The following RGS6 variants were observed in gnomAD, a reference collection of about 807,000 sequenced individuals.
The protein encoded by RGS6 is regulator of G-protein signaling 6.
A neutral mutation model predicts 78.5 loss-of-function variants in RGS6; 30 were observed. The observed-to-expected ratio is 0.38, with a 90% confidence interval of 0.29 to 0.52. The LOEUF (loss-of-function observed/expected upper bound fraction) is 0.52, where lower values mean the gene tolerates loss of function less well. Among genes scored for constraint, RGS6 ranks in the 20% least tolerant of loss-of-function variants. RGS6 has a pLI of 0.85. For missense variants in RGS6, 495 were observed against 609.7 expected (o/e 0.81, Z 1.98); for synonymous variants, 206 against 206.0 (o/e 1.00, Z 0.00).
At chr14:72,138,474 T>TTA (rs398043828) in intron 2 of RGS6, among the ~76,000 whole-genome samples, 1 of 144,152 alleles carries the variant, frequency 6.9e-6, no homozygotes, top group Non-Finnish European at 1.5e-5. Context: ...TTTTTTTTTT[T>TTA]ACTTTCTTGG....
At chr14:72,260,335 G>A (rs2057916335) in intron 2 of RGS6, among the ~76,000 whole-genome samples, 1 of 152,212 alleles carries the variant, frequency 6.6e-6, no homozygotes, top group African/African-American at 2.4e-5. Flanking sequence ...GTTGGATGGG[G>A]CTTTCCCAAT....
rs368585420 is a variant in RGS6, at chr14:72,107,253, A to AC, written c.84+142379dup. On this transcript the variant is annotated intron_variant, in intron 2 of 17. Coordinates refer to ENST00000553525, the MANE Select transcript of RGS6 (RefSeq NM_001204424.2). ...AATTAAAGAAAAAAACAAAAAAAAAACATGAACTACTAGGTTTAAACGTAG... is the reference window on the plus strand; with the variant it reads ...AATTAAAGAAAAAAACAAAAAAAAAACCATGAACTACTAGGTTTAAACGTAG... 5.5e-3 allele frequency among the ~76,000 whole-genome samples: 842 copies of AC among 152,282 alleles called. 3 individuals carry two copies. Among genetic ancestry groups the AC allele is most frequent in the African/African-American group, 0.018 (753 of 41,572 alleles).
intron 1 of RGS6, among the ~76,000 whole-genome samples, chr14:71,949,209 G>A (rs1459924666): frequency 1.3e-5 from 2 of 152,300 alleles, no homozygotes; most frequent in African/African-American, 4.8e-5. Flanking sequence ...GGGCCATGGG[G>A]TGTGCATATG....
chr14:71,934,846 A>G (rs747472738), intron 1 of RGS6, among the ~76,000 whole-genome samples: 28 of 152,172 alleles, frequency 1.8e-4, no homozygotes, highest in Non-Finnish European at 3.1e-4. Flanking sequence ...CTGAACTCCT[A>G]AGACTTTGCC....
intron 2 of RGS6, among the ~76,000 whole-genome samples, chr14:71,971,273 G>A (rs150481014): frequency 1.7e-4 from 26 of 152,282 alleles, no homozygotes; most frequent in African/African-American, 6.3e-4. Context: ...GTTTCAGTTG[G>A]GTTTGGTTAG....
intron 2 of RGS6, among the ~76,000 whole-genome samples, chr14:72,091,136 G>GTC (rs34340488): frequency 0.91 from 138,169 of 152,038 alleles, 63,204 homozygotes; most frequent in Admixed American, 0.96. Context: ...CACACTGGCT[G>GTC]TCTCCACAGA....
At chr14:72,299,703 C>G (rs1031481849) in intron 2 of RGS6, among the ~76,000 whole-genome samples, 11 of 152,166 alleles carry the variant, frequency 7.2e-5, no homozygotes, top group Non-Finnish European at 1.5e-4. Flanking sequence ...ACTCATTTTG[C>G]TTTGGATTTG....
chr14:72,241,282 G>C (rs780565450), intron 2 of RGS6, among the ~76,000 whole-genome samples: 4 of 152,024 alleles, frequency 2.6e-5, no homozygotes, highest in African/African-American at 9.7e-5. Flanking sequence ...AAATATAGAT[G>C]CAAACAAGTC....
the RGS6 span, among the ~76,000 whole-genome samples, chr14:71,913,470 A>G: frequency 1.1e-4 from 17 of 152,180 alleles, no homozygotes; most frequent in African/African-American, 4.1e-4. Context: ...TTAACAGAGG[A>G]AAGTGGGCTG....
At chr14:72,264,629 T>G (rs1162740709) in intron 2 of RGS6, among the ~76,000 whole-genome samples, 2 of 152,206 alleles carry the variant, frequency 1.3e-5, no homozygotes, top group African/African-American at 2.4e-5. Flanking sequence ...TCTTTTGTCT[T>G]CAAGAACATA....
At position 72,070,093 on chromosome 14, in the gene RGS6, G is replaced by T. The variant is rs566567770; in HGVS notation, c.84+105218G>T. Among the ~76,000 whole-genome samples the T allele has an allele frequency of 3.4e-4, 52 of 151,998 alleles. 1 individual carries two copies. Among genetic ancestry groups the T allele is most frequent in the Non-Finnish European group, 5.9e-4 (40 of 67,972 alleles). ...AAACTATACATTTTGTTTTTTGTTA[G>T]TGTATCTGATTTGCTGGCTGTCATT... On this transcript the variant is annotated intron_variant, in intron 2 of 17. Coordinates refer to ENST00000553525, the MANE Select transcript of RGS6 (RefSeq NM_001204424.2).
chr14:72,216,654 A>G (rs1181162502), intron 2 of RGS6, among the ~76,000 whole-genome samples: 1 of 152,218 alleles, frequency 6.6e-6, no homozygotes, highest in East Asian at 1.9e-4. Context: ...TAAGCTCAAA[A>G]TGACACTTCC....
intron 1 of RGS6, among the ~76,000 whole-genome samples, chr14:71,955,176 A>C (rs56067914): frequency 0.28 from 42,815 of 152,042 alleles, 6,655 homozygotes; most frequent in Admixed American, 0.35. Flanking sequence ...CCTAACTACT[A>C]TTCCTCAGGG....
intron 14 of RGS6, among the ~76,000 whole-genome samples, chr14:72,512,247 A>T (rs909228254): frequency 1.3e-5 from 2 of 152,186 alleles, no homozygotes; most frequent in African/African-American, 4.8e-5. Context: ...AGAATGACCC[A>T]GAGTTTGGTC....
rs202112888 is a variant in RGS6, at chr14:72,156,418, C to T, written c.84+191543C>T. ...CCAAGATCCCACTTGGCTGCCACTG[C>T]ACTCCAGCCTGGGTGACAGGGTGAG... is the stretch of plus-strand genomic sequence containing the variant. On this transcript the variant is annotated intron_variant, in intron 2 of 17. Coordinates refer to ENST00000553525, the MANE Select transcript of RGS6 (RefSeq NM_001204424.2). Among the ~76,000 whole-genome samples, 23 of 141,224 alleles carry T rather than the reference C, an allele frequency of 1.6e-4. No individual in the cohort carries two copies. The East Asian group carries it at 3.7e-3, about 23-fold the overall frequency. The allele number at this position is 141,224 out of a possible 152,430, so 92.6% of individuals were successfully genotyped here.
At chr14:72,463,056 C>T (rs2095821208) in intron 6 of RGS6, among the ~76,000 whole-genome samples, 2 of 152,162 alleles carry the variant, frequency 1.3e-5, no homozygotes, top group Admixed American at 6.5e-5. Flanking sequence ...ACATATAATA[C>T]ATGAATGTGT....
intron 2 of RGS6, among the ~76,000 whole-genome samples, chr14:72,306,180 CTGTTTACAGAAGGATTTATTGAATA>C (rs2067198340): frequency 6.6e-6 from 1 of 152,174 alleles, no homozygotes; most frequent in African/African-American, 2.4e-5. Flanking sequence ...AAGCCCAGAT[CTGTTTACAGAAGGATTTATTGAATA>C]TTTTAAGACC....
the RGS6 span, among the ~76,000 whole-genome samples, chr14:71,917,823 A>G: frequency 2.0e-5 from 3 of 152,198 alleles, no homozygotes; most frequent in African/African-American, 7.2e-5. Context: ...TAAGTAGCAG[A>G]GACTAACTGC....
At chr14:72,356,066 T>A (rs917351599) in intron 3 of RGS6, among the ~76,000 whole-genome samples, 1 of 152,164 alleles carries the variant, frequency 6.6e-6, no homozygotes, top group Non-Finnish European at 1.5e-5. Flanking sequence ...ATATTCAGAA[T>A]TCCCTGGGGG....
Sources: gnomAD v4.1 joint callset for allele counts (sites outside exome capture counted in the v4.1 genomes callset) on GRCh38, gnomAD v4.1.1 for gene constraint, MANE v1.5 for transcripts, NCBI Gene and HGNC (gene_info 2026-07-23, HGNC 2026-07-21) for gene names.